Variants in CAMTA1 observed in about 807,000 individuals in gnomAD.
The protein encoded by CAMTA1 is calmodulin-binding transcription activator 1.
In CAMTA1, 27 loss-of-function variants were observed where a neutral mutation model predicts 170.9. The ratio of observed to expected loss-of-function variants is 0.16; its 90% confidence interval spans 0.12 to 0.22. CAMTA1 has a LOEUF of 0.22. CAMTA1 is among the 10% of genes least tolerant of loss of function. The pLI is 1.00. For missense variants in CAMTA1, 1,619 were observed against 2,217.2 expected (o/e 0.73, Z 5.42); for synonymous variants, 833 against 891.5 (o/e 0.93, Z 1.17).
intron 4 of CAMTA1, among the ~76,000 whole-genome samples, chr1:7,105,657 T>C (rs12061214): frequency 0.42 from 63,679 of 152,060 alleles, 14,233 homozygotes; most frequent in South Asian, 0.57. Flanking sequence ...TAAAATAACT[T>C]TGGGGCCAGA....
intron 5 of CAMTA1, among the ~76,000 whole-genome samples, chr1:7,339,186 A>C (rs895187976): frequency 6.6e-6 from 1 of 152,238 alleles, no homozygotes; most frequent in Non-Finnish European, 1.5e-5. Flanking sequence ...GTAAGTTTAC[A>C]ATGTTCTGAA....
intron 5 of CAMTA1, among the ~76,000 whole-genome samples, chr1:7,289,347 AG>A (rs374729685): frequency 9.2e-5 from 14 of 152,214 alleles, no homozygotes; most frequent in Admixed American, 1.3e-4. Context: ...TAGAGGGAGA[AG>A]GTGTGGTTTC....
At chr1:7,295,905 G>A (rs1048450629) in intron 5 of CAMTA1, among the ~76,000 whole-genome samples, 5 of 152,226 alleles carry the variant, frequency 3.3e-5, no homozygotes, top group African/African-American at 1.2e-4. Flanking sequence ...GTGGGCTGGG[G>A]CCAGGCATAG....
chr1:7,130,126 AC>A (rs1189598054), intron 4 of CAMTA1, among the ~76,000 whole-genome samples: 1 of 151,984 alleles, frequency 6.6e-6, no homozygotes, highest in Non-Finnish European at 1.5e-5. Context: ...TTTAGTAGAG[AC>A]GGGGTTTCAC....
intron 5 of CAMTA1, among the ~76,000 whole-genome samples, chr1:7,423,931 G>T (rs927421826): frequency 6.6e-6 from 1 of 152,106 alleles, no homozygotes; most frequent in African/African-American, 2.4e-5. Context: ...TCAACCAGGC[G>T]GCCAACTCTT....
chr1:7,066,191 C>T (rs746810492), intron 3 of CAMTA1, among the ~76,000 whole-genome samples: 2 of 152,246 alleles, frequency 1.3e-5, no homozygotes, highest in Non-Finnish European at 2.9e-5. Context: ...AAATCGTCTC[C>T]TTTCTAGTGG....
chr1:7,641,276 G>A lies in CAMTA1; in HGVS notation c.664+723G>A, dbSNP rs1407991237. On this transcript the variant is annotated intron_variant, in intron 7 of 22. Coordinates refer to ENST00000303635, the MANE Select transcript of CAMTA1 (RefSeq NM_015215.4). This position sits in a 1 kb window ranked among gnomAD's most constrained non-coding sequence, Gnocchi z 4.5. ...GCTTTCCTGACCCAAGAAGAGCATG[G>A]GGGCTGTTTAGTGGTGGACACGTAG... 1.3e-5 allele frequency among the ~76,000 whole-genome samples: 2 copies of A among 152,168 alleles called. No individual in the cohort carries two copies. Among genetic ancestry groups the A allele is most frequent in the Admixed American group, 1.3e-4 (2 of 15,284 alleles).
At chr1:7,355,321 G>T in intron 5 of CAMTA1, among the ~76,000 whole-genome samples, 1 of 151,856 alleles carries the variant, frequency 6.6e-6, no homozygotes, top group East Asian at 1.9e-4. Context: ...GGGGGTCAAG[G>T]CTGCAGTGAG....
rs540227041 is a variant in CAMTA1, at chr1:7,685,672, T to C, written c.2914+7939T>C. 1.4e-3 allele frequency among the ~76,000 whole-genome samples: 214 copies of C among 152,304 alleles called. 1 individual carries two copies. The highest frequency in any genetic ancestry group is 4.7e-4 in the Non-Finnish European group (32 of 68,018). On this transcript the variant is annotated intron_variant, in intron 11 of 22. Coordinates refer to ENST00000303635, the MANE Select transcript of CAMTA1 (RefSeq NM_015215.4). The surrounding 1 kb of genome is among the most constrained non-coding windows in gnomAD (Gnocchi z 5.7). Reference sequence around the variant, plus strand: ...CTCTCTTCTCCCTGCCCACGCTCCCTGAGGGCTTCTTCCCAGCCAGGGCTC... The same window carrying C: ...CTCTCTTCTCCCTGCCCACGCTCCCCGAGGGCTTCTTCCCAGCCAGGGCTC...
chr1:7,398,425 G>A (rs549089957), intron 5 of CAMTA1, among the ~76,000 whole-genome samples: 1 of 150,476 alleles, frequency 6.6e-6, no homozygotes, highest in Non-Finnish European at 1.5e-5. Flanking sequence ...TTTTCCATTT[G>A]CATGGAATAT....
At chr1:6,828,286 C>CTTTTTTTTTTTTTT (rs746522147) in intron 3 of CAMTA1, among the ~76,000 whole-genome samples, 1 of 69,714 alleles carries the variant, frequency 1.4e-5, no homozygotes, top group Non-Finnish European at 2.5e-5. Flanking sequence ...TCATTCCATC[C>CTTTTTTTTTTTTTT]TTTTTTTTTT....
chr1:7,510,013 C>T, intron 6 of CAMTA1, among the ~76,000 whole-genome samples: 1 of 136,292 alleles, frequency 7.3e-6, no homozygotes. Context: ...AAACAAACAA[C>T]AAAAAAAAAA....
chr1:7,527,179 C>T (rs1239943260), intron 6 of CAMTA1, among the ~76,000 whole-genome samples: 3 of 152,184 alleles, frequency 2.0e-5, no homozygotes, highest in Admixed American at 6.5e-5. Context: ...CTGATGATCT[C>T]GTTTGACTCA....
intron 6 of CAMTA1, among the ~76,000 whole-genome samples, chr1:7,558,620 AC>A (rs1302770124): frequency 6.6e-6 from 1 of 152,194 alleles, no homozygotes; most frequent in Non-Finnish European, 1.5e-5. Context: ...GGGAAGGAAT[AC>A]CTCAGCCATG....
chr1:7,020,987 G>A (rs1208283329), intron 3 of CAMTA1, among the ~76,000 whole-genome samples: 1 of 152,228 alleles, frequency 6.6e-6, no homozygotes, highest in East Asian at 1.9e-4. Flanking sequence ...TGTGCATCCT[G>A]CAGGGGTGTG....
chr1:7,178,829 A>G (rs1235265649), intron 4 of CAMTA1, among the ~76,000 whole-genome samples: 2 of 152,190 alleles, frequency 1.3e-5, no homozygotes, highest in African/African-American at 4.8e-5. Context: ...TGGTACCAAG[A>G]AGCCACAACC....
rs2095108528 is a variant in CAMTA1 at position 7,570,169 on chromosome 1, C to G, written c.511-70231C>G. On this transcript the variant is annotated intron_variant, in intron 6 of 22. Coordinates refer to ENST00000303635, the MANE Select transcript of CAMTA1 (RefSeq NM_015215.4). The surrounding 1 kb of genome is among the most constrained non-coding windows in gnomAD (Gnocchi z 4.3). ...TGCTGGGCACTGGGGGGATCCAAAA[C>G]TCCCTGCAGGACTGGTTGCCCCTCA... 6.6e-6 allele frequency among the ~76,000 whole-genome samples: 1 copy of G among 152,124 alleles called. No homozygotes were observed. The highest frequency in any genetic ancestry group is 2.4e-5 in the African/African-American group (1 of 41,422).
intron 6 of CAMTA1, among the ~76,000 whole-genome samples, chr1:7,529,225 G>A (rs898569199): frequency 2.0e-5 from 3 of 152,196 alleles, no homozygotes; most frequent in African/African-American, 7.2e-5. Flanking sequence ...GCGGGGAGGA[G>A]TGGGGCAGAG....
chr1:7,045,932 A>T (rs1217173344), intron 3 of CAMTA1, among the ~76,000 whole-genome samples: 1 of 152,234 alleles, frequency 6.6e-6, no homozygotes, highest in Non-Finnish European at 1.5e-5. Context: ...GCAGTGATGC[A>T]CTGAAGAAAA....
Sources: allele counts gnomAD v4.1 joint callset (sites outside exome capture counted in the v4.1 genomes callset), GRCh38; gene constraint gnomAD v4.1.1; non-coding constraint Gnocchi (gnomAD v3.1); transcripts MANE v1.5; gene names NCBI Gene and HGNC (gene_info 2026-07-23, HGNC 2026-07-21).